The following TBX19 variants were observed in gnomAD, a reference collection of about 807,000 sequenced individuals.
TBX19 encodes T-box transcription factor TBX19.
A neutral mutation model predicts 40.9 loss-of-function variants in TBX19; 33 were observed. The observed-to-expected ratio is 0.81, with a 90% confidence interval of 0.61 to 1.08. The LOEUF is 1.08. Among genes scored for constraint, TBX19 ranks in the 50% least tolerant of loss-of-function variants. TBX19 has a pLI of 0.00. For missense variants in TBX19, 494 were observed against 574.0 expected (o/e 0.86, Z 1.42); for synonymous variants, 220 against 225.0 (o/e 0.98, Z 0.20).
In TBX19 at chr1:168,313,546, G is replaced by A. The variant is rs144304383; in HGVS notation, c.*544G>A. On this transcript the variant is annotated 3_prime_UTR_variant, in exon 8 of 8. Coordinates refer to ENST00000367821, the MANE Select transcript of TBX19 (RefSeq NM_005149.3). ...CAAACAGCAGTGTGCCCAGACTTGTGGAAATGAAGTCATGTCACTCCTCTG... is the reference window on the plus strand; with the variant it reads ...CAAACAGCAGTGTGCCCAGACTTGTAGAAATGAAGTCATGTCACTCCTCTG... 4.8e-3 allele frequency: 796 copies of A among 167,170 alleles called. 13 individuals carry two copies. Among genetic ancestry groups the A allele is most frequent in the African/African-American group, 0.018 (759 of 41,692 alleles). 10.4% of individuals were successfully genotyped at this position (167,170 alleles called of 1,614,324 possible). A position where few individuals can be genotyped will look rare whatever the true frequency, so the allele number is the denominator to read the frequency against.
In TBX19 at chr1:168,291,340, C is replaced by A. The variant is rs1648934747; in HGVS notation, c.384C>A (p.Ser128=). ...GCTGCGTCTACATTCACCCGGACTC[C>A]CCCAACTTTGGGGCCCACTGGATGA... is the stretch of plus-strand genomic sequence containing the variant. The part of the protein sequence containing the change: ...SHSCVYIHPD[S]PNFGAHWMKA... The change falls in exon 2 of 8, where the codon TCC becomes TCA. Residue 128 remains serine, a synonymous_variant. Coordinates refer to ENST00000367821, the MANE Select transcript of TBX19 (RefSeq NM_005149.3). The A allele has an allele frequency of 6.2e-7, 1 of 1,614,208 alleles. No homozygotes were observed. The highest frequency in any genetic ancestry group is 8.5e-7 in the Non-Finnish European group (1 of 1,180,036).
rs562557891 is a variant in TBX19, at chr1:168,298,094, G to C, written c.665+309G>C. 2.1e-3 allele frequency among the ~76,000 whole-genome samples: 314 copies of C among 152,302 alleles called. 3 individuals are homozygous for C. Among genetic ancestry groups the C allele is most frequent in the Middle Eastern group, 6.8e-3 (2 of 294 alleles). ...GCCTGTAGTCCCAGCTACTCGGGAG[G>C]CTGAGGCAGGAGAATGGCGTGAACC... On this transcript the variant is annotated intron_variant, in intron 4 of 7. Coordinates refer to ENST00000367821, the MANE Select transcript of TBX19 (RefSeq NM_005149.3).
At position 168,280,954 on chromosome 1, in the gene TBX19, A is replaced by T; in HGVS notation, c.-137A>T. On this transcript the variant is annotated 5_prime_UTR_variant, in exon 1 of 8. An upstream open reading frame in the 5' UTR loses its in-frame stop. Transcript: ENST00000367821. Reference sequence around the variant, plus strand: ...TTAAGGGGTGTCATCCTAGGAGCTTAGGCAAGAGCCAGGGTATCTTCTCTC... The same window carrying T: ...TTAAGGGGTGTCATCCTAGGAGCTTTGGCAAGAGCCAGGGTATCTTCTCTC... The T allele has an allele frequency of 1.2e-6, 1 of 808,280 alleles. No homozygotes were observed. The highest frequency in any genetic ancestry group is 2.1e-6 in the Non-Finnish European group (1 of 481,124). 50.1% of individuals were successfully genotyped at this position (808,280 alleles called of 1,614,324 possible).
chr1:168,294,216 G>A (rs1234162349), intron 3 of TBX19, among the ~76,000 whole-genome samples: 1 of 152,050 alleles, frequency 6.6e-6, no homozygotes, highest in Non-Finnish European at 1.5e-5. Flanking sequence ...ACCTTTCTAT[G>A]TAATTATACC....
In TBX19 at chr1:168,308,781, T is replaced by C; in HGVS notation, c.956T>C (p.Phe319Ser). The C allele has an allele frequency of 3.1e-6, 5 of 1,614,140 alleles. No individual in the cohort carries two copies. Among genetic ancestry groups the C allele is most frequent in the Non-Finnish European group, 4.2e-6 (5 of 1,180,026 alleles). Residue 319 changes from phenylalanine to serine, a missense_variant, in exon 7 of 8, where the codon TTC (phenylalanine) becomes TCC (serine). This residue lies in a region of TBX19 where 284 missense variants were observed against 307.3 expected (regional missense o/e 0.92). Transcript: ENST00000367821. The part of the protein sequence containing the change: ...IESSSNNLQV[F>S]SGPDSWTSLS... ...AGCTCAAGCAATAATCTGCAAGTTT[T>C]CTCGGGACCTGACAGCTGGACTTCC...
At position 168,308,864 on chromosome 1, in the gene TBX19, A is replaced by G; in HGVS notation, c.1039A>G (p.Asn347Asp). 6.2e-7 allele frequency: 1 copy of G among 1,613,914 alleles called. No homozygotes were observed. Among genetic ancestry groups the G allele is most frequent in the Non-Finnish European group, 8.5e-7 (1 of 1,179,970 alleles). ...TGTACCCCACACCAACGGACCAATC[A>G]ATCCAGGGCCCAGGTAAGACCAACA... ...LSVPHTNGPI[N>D]PGPSPYPCLW... The change falls in exon 7 of 8, where the codon AAT (asparagine) becomes GAT (aspartate). Residue 347 changes from asparagine to aspartate, a missense_variant. Asn to Asp is a conservative substitution (Grantham distance 23). Around this residue, in one of 3 missense-constraint regions of TBX19, gnomAD observed 284 missense variants for 307.3 expected, o/e 0.92. Transcript: ENST00000367821.
chr1:168,291,679 A>G (rs985052134), intron 2 of TBX19, among the ~76,000 whole-genome samples: 3 of 152,136 alleles, frequency 2.0e-5, no homozygotes, highest in African/African-American at 4.8e-5. Flanking sequence ...GGCCCTTTTC[A>G]TAGTTTCGTC....
chr1:168,313,111 G>C lies in TBX19; in HGVS notation c.*109G>C, dbSNP rs1359870172. ...GACTGTGGAATCTCCCTTCCCACTAGCTGGAGGTGGAGGTGGGTTATTACA... is the reference window on the plus strand; with the variant it reads ...GACTGTGGAATCTCCCTTCCCACTACCTGGAGGTGGAGGTGGGTTATTACA... On this transcript the variant is annotated 3_prime_UTR_variant, in exon 8 of 8. Coordinates refer to ENST00000367821, the MANE Select transcript of TBX19 (RefSeq NM_005149.3). The C allele has an allele frequency of 7.3e-7, 1 of 1,373,710 alleles. No individual in the cohort carries two copies. The allele number at this position is 1,373,710 out of a possible 1,614,324, so 85.1% of individuals were successfully genotyped here. A position where few individuals can be genotyped will look rare whatever the true frequency, so the allele number is the denominator to read the frequency against.
intron 6 of TBX19, among the ~76,000 whole-genome samples, chr1:168,306,539 T>C (rs1443756253): frequency 3.3e-5 from 5 of 150,764 alleles, no homozygotes; most frequent in African/African-American, 1.2e-4. Context: ...GGCAGGAGAA[T>C]TGCTTGAATC....
At chr1:168,288,577 A>C (rs1223641987) in intron 1 of TBX19, among the ~76,000 whole-genome samples, 2 of 152,306 alleles carry the variant, frequency 1.3e-5, no homozygotes, top group East Asian at 3.9e-4. Context: ...TCATTTCTTA[A>C]ATCATAAGTC....
chr1:168,304,956 G>A, intron 5 of TBX19, 52 bp from the exon 6 acceptor site: 1 of 1,573,892 alleles, frequency 6.4e-7, no homozygotes, highest in South Asian at 1.1e-5. Flanking sequence ...CCTGATTTTT[G>A]GTGTGGGAGT....
At chr1:168,305,339 GTTTTA>G (rs1464385115) in intron 6 of TBX19, 143 bp downstream of exon 6, 5 of 755,356 alleles carry the variant, frequency 6.6e-6, no homozygotes, top group South Asian at 5.0e-5. Context: ...TTGTTTTTGT[GTTTTA>G]TTTTATTGTT....
Position 168,312,707 on chromosome 1 carries a change from G to T in TBX19, c.1053-1G>T. The stretch of plus-strand genomic sequence containing the variant: ...CTTCCCCTCTTTCTCTGTCTCTGCA[G>T]CCCCTACCCGTGCCTGTGGACCATC... On this transcript the variant is annotated splice_acceptor_variant, in intron 7 of 7. Transcript: ENST00000367821. LOFTEE classifies it high-confidence loss of function. The T allele has an allele frequency of 6.2e-7, 1 of 1,611,586 alleles. No individual in the cohort carries two copies.
In TBX19 at chr1:168,309,772, A is replaced by C. The variant is rs111796758; in HGVS notation, c.1052+895A>C. On this transcript the variant is annotated intron_variant, in intron 7 of 7. Coordinates refer to ENST00000367821, the MANE Select transcript of TBX19 (RefSeq NM_005149.3). Reference sequence around the variant, plus strand: ...GGTTTGAGTCCCAGTTCTACCTCTTAGTAGTGATTTTGTGGCTTTGGGCAA... The same window carrying C: ...GGTTTGAGTCCCAGTTCTACCTCTTCGTAGTGATTTTGTGGCTTTGGGCAA... Among the ~76,000 whole-genome samples the C allele has an allele frequency of 2.4e-3, 370 of 152,244 alleles. 2 individuals are homozygous for C. Among genetic ancestry groups the C allele is most frequent in the African/African-American group, 8.3e-3 (344 of 41,550 alleles).
At chr1:168,310,870 ATGT>A (rs1649505049) in intron 7 of TBX19, among the ~76,000 whole-genome samples, 3 of 147,676 alleles carry the variant, frequency 2.0e-5, no homozygotes, top group Admixed American at 6.8e-5. Context: ...GTAAATATAG[ATGT>A]TATTATGTAA....
rs139968594 is a variant in TBX19, at chr1:168,293,211, G to T, written c.536G>T (p.Arg179Leu). 1 of 1,613,766 alleles carries T rather than the reference G, an allele frequency of 6.2e-7. No individual in the cohort carries two copies. Among genetic ancestry groups the T allele is most frequent in the East Asian group, 2.2e-5 (1 of 44,868 alleles). The change falls in exon 3 of 8, where the codon CGA becomes CTA. Residue 179 changes from arginine (R) to leucine (L), a missense_variant. By Grantham distance (102) the Arg-to-Leu change is moderately radical (BLOSUM62 -2). Around this residue, in one of 3 missense-constraint regions of TBX19, gnomAD observed 201 missense variants for 235.2 expected, o/e 0.85. Transcript: ENST00000367821. ...ATAGTGCGTGTTGGAAGTGCCCATC[G>T]AATGGTAACAAACTGCTCCTTCCCT... ...VHIVRVGSAH[R>L]MVTNCSFPET...
intron 2 of TBX19, among the ~76,000 whole-genome samples, chr1:168,292,820 C>T (rs1285381797): frequency 1.3e-4 from 19 of 147,104 alleles, no homozygotes; most frequent in African/African-American, 3.3e-4. Context: ...GCTGAGATAG[C>T]GCCACTGCAC....
In TBX19 at chr1:168,293,290, T is replaced by A; in HGVS notation, c.603+12T>A. The stretch of plus-strand genomic sequence containing the variant: ...ATCAGAATGAGGAGGTAAGAGTGTG[T>A]GTGTGTGTGTGTGTGTGTGTGTGTG... On this transcript the variant is annotated intron_variant, in intron 3 of 7. Transcript: ENST00000367821. 6.9e-7 allele frequency: 1 copy of A among 1,449,896 alleles called. No individual in the cohort carries two copies. Among genetic ancestry groups the A allele is most frequent in the Non-Finnish European group, 9.4e-7 (1 of 1,065,652 alleles). The allele number at this position is 1,449,896 out of a possible 1,614,324, so 89.8% of individuals were successfully genotyped here.
At position 168,313,468 on chromosome 1, in the gene TBX19, G is replaced by C. The variant is rs1421828569; in HGVS notation, c.*466G>C. 1 of 226,992 alleles carries C rather than the reference G, an allele frequency of 4.4e-6. No individual in the cohort carries two copies. The highest frequency in any genetic ancestry group is 8.8e-6 in the Non-Finnish European group (1 of 114,202). The allele number at this position is 226,992 out of a possible 1,614,324, so 14.1% of individuals were successfully genotyped here. On this transcript the variant is annotated 3_prime_UTR_variant, in exon 8 of 8. Transcript: ENST00000367821. Reference sequence around the variant, plus strand: ...CACTTCTGCTTTGAGACCAGGATGGGGTGTAAGCCATAGAGTAAGGTTAAC... The same window carrying C: ...CACTTCTGCTTTGAGACCAGGATGGCGTGTAAGCCATAGAGTAAGGTTAAC...
Sources: allele counts gnomAD v4.1 joint callset (sites outside exome capture counted in the v4.1 genomes callset), GRCh38; gene constraint gnomAD v4.1.1; regional missense constraint gnomAD v4.1.1; transcripts MANE v1.5; gene names NCBI Gene and HGNC (gene_info 2026-07-23, HGNC 2026-07-21).